NEMF: variants seen among roughly 807,000 people sequenced by gnomAD.
NEMF encodes the protein nuclear export mediator factor, also known as ribosome quality control complex subunit NEMF.
A neutral mutation model predicts 162.2 loss-of-function variants in NEMF; 89 were observed. The ratio of observed to expected loss-of-function variants is 0.55; its 90% confidence interval spans 0.46 to 0.65. The LOEUF (loss-of-function observed/expected upper bound fraction) is 0.65. NEMF is among the 30% of genes least tolerant of loss of function. The probability of loss-of-function intolerance (pLI) is 0.00; values close to 1 mark genes in which losing one functional copy is unlikely to be tolerated. For missense variants in NEMF, 1,133 were observed against 1,261.9 expected (o/e 0.90, Z 1.55); for synonymous variants, 421 against 404.5 (o/e 1.04, Z -0.49).
rs187891783 is a variant in NEMF, at chr14:49,834,315, T to C, written c.661+48A>G. ...ATTACTTTCCCAGAAAAAATTTTCATAGTTTAAAAAAAATGAAATAAATGA... is the reference window on the plus strand; with the variant it reads ...ATTACTTTCCCAGAAAAAATTTTCACAGTTTAAAAAAAATGAAATAAATGA... On this transcript the variant is annotated intron_variant, in intron 7 of 32. Coordinates refer to ENST00000298310, the MANE Select transcript of NEMF (RefSeq NM_004713.6). The C allele has an allele frequency of 1.6e-4, 221 of 1,345,686 alleles. 3 individuals are homozygous for C. In the South Asian group the frequency reaches 2.4e-3, roughly 15 times the overall value. 83.4% of individuals were successfully genotyped at this position (1,345,686 alleles called of 1,614,324 possible).
chr14:49,808,923 T>C (rs61982265), intron 18 of NEMF, among the ~76,000 whole-genome samples: 3,466 of 152,264 alleles, frequency 0.023, 58 homozygotes, highest in South Asian at 0.035. Context: ...AATAAGCATA[T>C]GAAAAGATGC....
At chr14:49,832,334 T>A in intron 8 of NEMF, 57 bp from the exon 9 acceptor site, 6 of 982 alleles carry the variant, frequency 6.1e-3, no homozygotes, top group Non-Finnish European at 6.8e-3. Flanking sequence ...GATTTACTTC[T>A]TTTTTTTTTT....
chr14:49,814,309 G>T (rs1318026420), intron 17 of NEMF, among the ~76,000 whole-genome samples: 1 of 151,762 alleles, frequency 6.6e-6, no homozygotes, highest in Non-Finnish European at 1.5e-5. Flanking sequence ...CACCATGTTG[G>T]CCAGGCTGTT....
intron 3 of NEMF, among the ~76,000 whole-genome samples, chr14:49,847,360 C>A (rs1229559550): frequency 1.3e-5 from 2 of 151,946 alleles, no homozygotes; most frequent in African/African-American, 2.4e-5. Context: ...CCCACTACCA[C>A]GCCTGGCTAA....
At chr14:49,805,962 A>T in intron 19 of NEMF, 59 bp downstream of exon 19, 1 of 1,158,174 alleles carries the variant, frequency 8.6e-7, no homozygotes, top group South Asian at 1.4e-5. Context: ...CTATACTCTC[A>T]AAATTTGGCA....
rs760123988 is a variant in NEMF at position 49,838,195 on chromosome 14, A to G, written c.518T>C (p.Ile173Thr). Residue 173 changes from isoleucine (I) to threonine (T), a missense_variant, in exon 6 of 33, where the codon ATA (isoleucine) becomes ACA (threonine). By Grantham distance (89) the Ile-to-Thr change is moderately conservative. Around this residue, in one of 3 missense-constraint regions of NEMF, gnomAD observed 582 missense variants for 631.5 expected, o/e 0.92. Transcript: ENST00000298310. ...PLLTLERLTE[I>T]VASAPKGELL... ...TTCACCCTTAGGTGCGCTGGCTACT[A>G]TTTCAGTCAACCTGTGAAACAAAAC... 3 of 1,613,900 alleles carry G rather than the reference A, an allele frequency of 1.9e-6. No individual in the cohort carries two copies. Among genetic ancestry groups the G allele is most frequent in the Non-Finnish European group, 2.5e-6 (3 of 1,179,826 alleles).
At chr14:49,845,264 T>C (rs767943105) in intron 4 of NEMF, among the ~76,000 whole-genome samples, 4 of 152,086 alleles carry the variant, frequency 2.6e-5, no homozygotes, top group Non-Finnish European at 5.9e-5. Context: ...AGCTAATTTT[T>C]GTATTTTTTA....
rs78728118 is a variant in NEMF at position 49,843,483 on chromosome 14, G to A, written c.358-2617C>T. On this transcript the variant is annotated intron_variant, in intron 4 of 32. Transcript: ENST00000298310. Reference sequence around the variant, plus strand: ...AATTCCAGCCTGGCCAACAGAGCAAGACTCTATCTCAAAAAAATAAAAAAT... The same window carrying A: ...AATTCCAGCCTGGCCAACAGAGCAAAACTCTATCTCAAAAAAATAAAAAAT... Among the ~76,000 whole-genome samples, 4 of 152,046 alleles carry A rather than the reference G, an allele frequency of 2.6e-5. No individual in the cohort carries two copies. In the East Asian group the frequency reaches 7.7e-4, roughly 29 times the overall value.
At chr14:49,841,928 A>AT (rs947819502) in intron 4 of NEMF, among the ~76,000 whole-genome samples, 1 of 152,140 alleles carries the variant, frequency 6.6e-6, no homozygotes, top group African/African-American at 2.4e-5. Flanking sequence ...CAACATGGAG[A>AT]AACCCCGTCT....
At chr14:49,828,946 C>T in intron 13 of NEMF, 108 bp downstream of exon 13, 2 of 1,341,974 alleles carry the variant, frequency 1.5e-6, no homozygotes, top group African/African-American at 1.5e-5. Flanking sequence ...AGTTTTTTCC[C>T]TTTCTTTGAG....
At chr14:49,824,103 G>A (rs1219805116) in intron 16 of NEMF, among the ~76,000 whole-genome samples, 1 of 152,130 alleles carries the variant, frequency 6.6e-6, no homozygotes, top group African/African-American at 2.4e-5. Flanking sequence ...CCAGGAAGCG[G>A]AGGTTGCAGT....
intron 5 of NEMF, among the ~76,000 whole-genome samples, chr14:49,838,570 C>CT (rs907026827): frequency 6.8e-6 from 1 of 146,222 alleles, no homozygotes. Flanking sequence ...CATCGAACAA[C>CT]TTTTTTTTTG....
chr14:49,844,683 T>A, intron 4 of NEMF: 1 of 171,976 alleles, frequency 5.8e-6, no homozygotes, highest in Non-Finnish European at 1.3e-5. Flanking sequence ...TCAGACCAGA[T>A]TAAATTTATG....
At chr14:49,837,430 T>C (rs771180349) in intron 6 of NEMF, among the ~76,000 whole-genome samples, 8 of 152,088 alleles carry the variant, frequency 5.3e-5, no homozygotes, top group Admixed American at 6.6e-5. Flanking sequence ...GGTGGTTGGA[T>C]TGCTTGAGCT....
At chr14:49,821,642 C>G (rs28694687) in intron 16 of NEMF, among the ~76,000 whole-genome samples, 4 of 93,518 alleles carry the variant, frequency 4.3e-5, no homozygotes, top group African/African-American at 1.3e-4. Context: ...AGGTGGGGGG[C>G]TCAGCCCCCC....
Position 49,784,715 on chromosome 14 carries a change from T to C in NEMF, c.3154-2A>G. On this transcript the variant is annotated splice_acceptor_variant, in intron 32 of 32. Coordinates refer to ENST00000298310, the MANE Select transcript of NEMF (RefSeq NM_004713.6). LOFTEE classifies it high-confidence loss of function. ...AATGTTTCTTGATAAATCTGTGTCC[T>C]AAAAAAAGAAAATTGCTGAATATCT... 6.2e-7 allele frequency: 1 copy of C among 1,611,234 alleles called. No homozygotes were observed. The highest frequency in any genetic ancestry group is 8.5e-7 in the Non-Finnish European group (1 of 1,178,226).
intron 25 of NEMF, among the ~76,000 whole-genome samples, chr14:49,799,207 C>CAAAA (rs780442972): frequency 0.43 from 25,113 of 58,966 alleles, 8,679 homozygotes; most frequent in Non-Finnish European, 0.5. Flanking sequence ...GACCCTGTTT[C>CAAAA]AAAAAAAAAA....
chr14:49,803,302 A>T lies in NEMF; in HGVS notation c.1858-8T>A, dbSNP rs184927855. 1,359 of 1,563,968 alleles carry T rather than the reference A, an allele frequency of 8.7e-4. 1 individual carries two copies. The highest frequency in any genetic ancestry group is 1.0e-3 in the Non-Finnish European group (1,189 of 1,137,180). On this transcript the variant is annotated splice_polypyrimidine_tract_variant and splice_region_variant and intron_variant, in intron 19 of 32. Coordinates refer to ENST00000298310, the MANE Select transcript of NEMF (RefSeq NM_004713.6). ...TGGTGCTGTTTTAGATACCTGAAGA[A>T]CACAATAATACATTATATTCTTATT...
chr14:49,789,713 A>T, intron 26 of NEMF, 140 bp from the exon 27 acceptor site: 1 of 1,231,462 alleles, frequency 8.1e-7, no homozygotes, highest in Non-Finnish European at 1.1e-6. Context: ...AACAATATGA[A>T]GGCTACAAAG....
Sources: allele counts gnomAD v4.1 joint callset (sites outside exome capture counted in the v4.1 genomes callset), GRCh38; gene constraint gnomAD v4.1.1; regional missense constraint gnomAD v4.1.1; transcripts MANE v1.5; gene names NCBI Gene and HGNC (gene_info 2026-07-23, HGNC 2026-07-21).